Variants in CLPX observed in about 807,000 individuals in gnomAD.
CLPX encodes the protein caseinolytic mitochondrial matrix peptidase chaperone subunit X.
A neutral mutation model predicts 76.4 loss-of-function variants in CLPX; 34 were observed. The observed-to-expected ratio is 0.45, with a 90% CI of 0.34 to 0.59. The LOEUF is 0.59. Among genes scored for constraint, CLPX ranks in the 20% least tolerant of loss-of-function variants. CLPX has a pLI of 0.01. For synonymous variants in CLPX, 248 were observed against 270.9 expected, an observed-to-expected ratio of 0.92 and a Z score of 0.83; for missense variants, 613 against 757.0, an observed-to-expected ratio of 0.81 and a Z score of 2.23.
chr15:65,152,799 G>C (rs557114599), intron 12 of CLPX, among the ~76,000 whole-genome samples: 1 of 151,816 alleles, frequency 6.6e-6, no homozygotes, highest in African/African-American at 2.4e-5. Context: ...GTTTCGCCAT[G>C]TTGTCCAGGC....
intron 10 of CLPX, 137 bp from the exon 11 acceptor site, chr15:65,155,218 A>G (rs1390309305): frequency 1.2e-6 from 1 of 849,250 alleles, no homozygotes; most frequent in Non-Finnish European, 1.8e-6. Flanking sequence ...TTTACAAAGG[A>G]AAAAAACAGG....
intron 10 of CLPX, 104 bp downstream of exon 10, chr15:65,155,587 TA>T (rs1566979213): frequency 1.0e-6 from 1 of 978,160 alleles, no homozygotes; most frequent in African/African-American, 1.6e-5. Context: ...ACCCAACTCT[TA>T]TAATTAAAAC....
At chr15:65,159,813 T>C (rs2087830775) in intron 6 of CLPX, among the ~76,000 whole-genome samples, 1 of 145,318 alleles carries the variant, frequency 6.9e-6, no homozygotes, top group Non-Finnish European at 1.5e-5. Flanking sequence ...TTTCTTTTCT[T>C]TTTTTTTTTT....
intron 1 of CLPX, among the ~76,000 whole-genome samples, chr15:65,182,657 A>C (rs1326236282): frequency 1.3e-5 from 2 of 152,256 alleles, no homozygotes; most frequent in East Asian, 3.8e-4. Flanking sequence ...GTGAAAATAA[A>C]GTTCACAGAA....
chr15:65,180,024 C>A lies in CLPX; in HGVS notation c.240+20G>T, dbSNP rs1166901691. 1 of 1,571,560 alleles carries A rather than the reference C, an allele frequency of 6.4e-7. No homozygotes were observed. The highest frequency in any genetic ancestry group is 1.8e-5 in the Admixed American group (1 of 56,152). On this transcript the variant is annotated intron_variant, in intron 2 of 13. Transcript: ENST00000300107. ...GGGAACTCACAATGTGTACAGATGCCAATAAGATAAAATAATTACCTTATT... is the reference window on the plus strand; with the variant it reads ...GGGAACTCACAATGTGTACAGATGCAAATAAGATAAAATAATTACCTTATT...
At chr15:65,174,370 T>C (rs1218421091) in intron 3 of CLPX, among the ~76,000 whole-genome samples, 2 of 152,040 alleles carry the variant, frequency 1.3e-5, no homozygotes, top group Non-Finnish European at 1.5e-5. Flanking sequence ...GTTCAAGCAA[T>C]TCTCCTGTCT....
chr15:65,150,597 A>G lies in CLPX; in HGVS notation c.*226T>C. 2.9e-6 allele frequency: 1 copy of G among 342,950 alleles called. No homozygotes were observed. The highest frequency in any genetic ancestry group is 5.2e-6 in the Non-Finnish European group (1 of 191,870). 21.2% of individuals were successfully genotyped at this position (342,950 alleles called of 1,614,324 possible). A position where few individuals can be genotyped will look rare whatever the true frequency, so the allele number is the denominator to read the frequency against. ...TTAAAAAACTGAACCAAAATAATGT[A>G]CATTTTATCTCTAAACATTGTGTCA... On this transcript the variant is annotated 3_prime_UTR_variant, in exon 14 of 14. Coordinates refer to ENST00000300107, the MANE Select transcript of CLPX (RefSeq NM_006660.5).
rs913245581 is a variant in CLPX, at chr15:65,148,337, T to C, written c.*2486A>G. The C allele has an allele frequency of 1.3e-5, 2 of 152,262 alleles. No homozygotes were observed. Among genetic ancestry groups the C allele is most frequent in the Non-Finnish European group, 2.9e-5 (2 of 68,044 alleles). 9.4% of individuals were successfully genotyped at this position (152,262 alleles called of 1,614,324 possible). On this transcript the variant is annotated 3_prime_UTR_variant, in exon 14 of 14. Transcript: ENST00000300107. Reference sequence around the variant, plus strand: ...AACAACTTCCAAAGCCAAATGTAAGTTGTTGTGACTAAAATGCCTCCCCAG... The same window carrying C: ...AACAACTTCCAAAGCCAAATGTAAGCTGTTGTGACTAAAATGCCTCCCCAG...
chr15:65,178,705 T>C (rs1211456971), intron 3 of CLPX, among the ~76,000 whole-genome samples: 1 of 151,808 alleles, frequency 6.6e-6, no homozygotes, highest in Non-Finnish European at 1.5e-5. Context: ...CCTGGCTTTT[T>C]TTTTTTTTTT....
intron 6 of CLPX, among the ~76,000 whole-genome samples, chr15:65,159,420 G>A (rs866502814): frequency 5.3e-5 from 8 of 152,288 alleles, no homozygotes; most frequent in African/African-American, 1.9e-4. Flanking sequence ...AGAACAGCCT[G>A]GCCAACACGG....
At chr15:65,156,582 T>G in intron 9 of CLPX, 1 of 407,856 alleles carries the variant, frequency 2.5e-6, no homozygotes, top group East Asian at 4.4e-5. Context: ...TAACTGGGCC[T>G]TTGAGGAATA....
intron 13 of CLPX, among the ~76,000 whole-genome samples, chr15:65,151,336 C>G (rs1407392841): frequency 1.0e-5 from 1 of 96,590 alleles, no homozygotes; most frequent in Non-Finnish European, 1.9e-5. Context: ...CAGAGCAAGA[C>G]TGAGTCTCAA....
At chr15:65,170,638 G>A (rs1396519082) in intron 3 of CLPX, among the ~76,000 whole-genome samples, 11 of 151,746 alleles carry the variant, frequency 7.2e-5, no homozygotes, top group Non-Finnish European at 1.6e-4. Context: ...GGTGGCGGGT[G>A]CCTGTAATCC....
intron 12 of CLPX, among the ~76,000 whole-genome samples, 155 bp from the exon 13 acceptor site, chr15:65,152,691 A>T (rs2087738097): frequency 6.8e-6 from 1 of 147,870 alleles, no homozygotes; most frequent in African/African-American, 2.5e-5. Context: ...GGGATTATAT[A>T]TATAAACATA....
intron 4 of CLPX, among the ~76,000 whole-genome samples, chr15:65,165,375 ATTTTTTTT>A (rs34678725): frequency 5.8e-5 from 4 of 69,206 alleles, no homozygotes; most frequent in Admixed American, 2.3e-4. Flanking sequence ...AACTGCCTGG[ATTTTTTTT>A]TTTTTTTTTT....
chr15:65,172,240 G>A (rs1402144213), intron 3 of CLPX, among the ~76,000 whole-genome samples: 1 of 152,164 alleles, frequency 6.6e-6, no homozygotes, highest in Non-Finnish European at 1.5e-5. Context: ...TGGCATTACA[G>A]GCATGAACCA....
chr15:65,184,992 G>A, intron 1 of CLPX, 83 bp downstream of exon 1: 1 of 1,199,294 alleles, frequency 8.3e-7, no homozygotes, highest in Non-Finnish European at 1.2e-6. Context: ...CAGGCCTCGT[G>A]CCCTCCCCGG....
chr15:65,162,628 G>A lies in CLPX; in HGVS notation c.691C>T (p.Arg231Trp), dbSNP rs770963766. The change falls in exon 6 of 14, where the codon CGG (arginine) becomes TGG (tryptophan). Residue 231 changes from arginine to tryptophan, a missense_variant. Transcript: ENST00000300107. Reference protein sequence around the residue: ...LTPRELEIRRREDEYRFTKLL... With the variant: ...LTPRELEIRRWEDEYRFTKLL... Reference sequence around the variant, plus strand: ...CTTGTAAATCTGTACTCATCCTCCCGTCTTCTTATTTCTAACTCTAAGAAA... The same window carrying A: ...CTTGTAAATCTGTACTCATCCTCCCATCTTCTTATTTCTAACTCTAAGAAA... 3.8e-6 allele frequency: 6 copies of A among 1,585,192 alleles called. No individual in the cohort carries two copies. The highest frequency in any genetic ancestry group is 1.7e-5 in the Admixed American group (1 of 58,956).
chr15:65,162,627 C>G lies in CLPX; in HGVS notation c.692G>C (p.Arg231Pro), dbSNP rs749081927. 6.3e-7 allele frequency: 1 copy of G among 1,585,718 alleles called. No individual in the cohort carries two copies. Among genetic ancestry groups the G allele is most frequent in the Non-Finnish European group, 8.6e-7 (1 of 1,158,320 alleles). ...LTPRELEIRR[R>P]EDEYRFTKLL... ...ACTTGTAAATCTGTACTCATCCTCCCGTCTTCTTATTTCTAACTCTAAGAA... is the reference window on the plus strand; with the variant it reads ...ACTTGTAAATCTGTACTCATCCTCCGGTCTTCTTATTTCTAACTCTAAGAA... The change falls in exon 6 of 14, where the codon CGG (arginine) becomes CCG (proline). Residue 231 changes from arginine (R) to proline (P), a missense_variant. This residue lies in a region of CLPX where 450 missense variants were observed against 638.6 expected (regional missense o/e 0.70). Coordinates refer to ENST00000300107, the MANE Select transcript of CLPX (RefSeq NM_006660.5).
Sources: allele counts gnomAD v4.1 joint callset (sites outside exome capture counted in the v4.1 genomes callset), GRCh38; gene constraint gnomAD v4.1.1; regional missense constraint gnomAD v4.1.1; transcripts MANE v1.5; gene names NCBI Gene and HGNC (gene_info 2026-07-23, HGNC 2026-07-21).